Variants in RANBP2 observed in about 807,000 individuals in gnomAD.
The protein encoded by RANBP2 is E3 SUMO-protein ligase RanBP2.
Under a neutral mutation model 303.6 loss-of-function variants are expected in RANBP2, and 57 were observed. The observed-to-expected ratio is 0.19, with a 90% CI of 0.15 to 0.23. RANBP2 has a LOEUF of 0.23. RANBP2 is among the 10% of genes least tolerant of loss of function. The pLI is 1.00. For synonymous variants in RANBP2, 1,167 were observed against 1,301.5 expected, an observed-to-expected ratio of 0.90 and a Z score of 2.23; for missense variants, 3,138 against 3,780.8, an observed-to-expected ratio of 0.83 and a Z score of 4.46.
chr2:109,023,858 C>T, the RANBP2 span, among the ~76,000 whole-genome samples: 1 of 152,112 alleles, frequency 6.6e-6, no homozygotes, highest in Non-Finnish European at 1.5e-5. Flanking sequence ...TAATTTCTAC[C>T]TAACAGTCTC....
chr2:108,877,206 G>C, the RANBP2 span, among the ~76,000 whole-genome samples: 1 of 152,050 alleles, frequency 6.6e-6, no homozygotes, highest in Non-Finnish European at 1.5e-5. Flanking sequence ...GGTGGCTTAC[G>C]CCTGTAATCC....
At chr2:109,259,361 C>T in the RANBP2 span, among the ~76,000 whole-genome samples, 2 of 152,124 alleles carry the variant, frequency 1.3e-5, no homozygotes, top group African/African-American at 2.4e-5. Flanking sequence ...CATCCAGAGC[C>T]GGAGGCATCC....
At chr2:109,280,820 A>G in the RANBP2 span, among the ~76,000 whole-genome samples, 5 of 152,224 alleles carry the variant, frequency 3.3e-5, no homozygotes, top group Admixed American at 6.5e-5. Context: ...CACCTGCTGG[A>G]TAACAGTGGT....
the RANBP2 span, among the ~76,000 whole-genome samples, chr2:109,087,509 T>C: frequency 2.6e-5 from 4 of 152,040 alleles, no homozygotes; most frequent in African/African-American, 9.7e-5. Flanking sequence ...CCAAGGGGCT[T>C]TGGAGGGTCA....
chr2:108,930,459 C>G, the RANBP2 span, among the ~76,000 whole-genome samples: 1 of 152,082 alleles, frequency 6.6e-6, no homozygotes, highest in Non-Finnish European at 1.5e-5. Context: ...CCACTAGAAC[C>G]ACCCTGCCTC....
chr2:108,783,333 T>TA (rs71381992), intron 28 of RANBP2, among the ~76,000 whole-genome samples: 5,112 of 41,344 alleles, frequency 0.12, 704 homozygotes, highest in Non-Finnish European at 0.15. Context: ...AGCCTGTCAT[T>TA]AAAAAAAAAA....
At chr2:109,345,101 T>A in the RANBP2 span, among the ~76,000 whole-genome samples, 4 of 152,178 alleles carry the variant, frequency 2.6e-5, no homozygotes, top group African/African-American at 9.7e-5. Context: ...TGTCTCGCAG[T>A]GTCTCTGTCC....
chr2:109,419,421 A>G, the RANBP2 span: 3 of 1,105,960 alleles, frequency 2.7e-6, no homozygotes, highest in East Asian at 7.8e-5. Context: ...TTGGAGGCCA[A>G]ACAGCCAGGC....
the RANBP2 span, among the ~76,000 whole-genome samples, chr2:109,664,651 C>T: frequency 3.3e-5 from 5 of 151,706 alleles, no homozygotes; most frequent in Non-Finnish European, 5.9e-5. Flanking sequence ...CAATGTGGGC[C>T]GGGCACGGTG....
At chr2:109,496,286 CGCTGATTGGTGCATTTTACAGAGT>C in the RANBP2 span, among the ~76,000 whole-genome samples, 2 of 151,728 alleles carry the variant, frequency 1.3e-5, no homozygotes, top group African/African-American at 4.8e-5. Flanking sequence ...AGCTACAGAG[CGCTGATTGGTGCATTTTACAGAGT>C]GCTGATTGGT....
At chr2:109,099,853 G>A in the RANBP2 span, among the ~76,000 whole-genome samples, 6 of 151,592 alleles carry the variant, frequency 4.0e-5, no homozygotes, top group African/African-American at 1.2e-4. Context: ...TTAAGTACTG[G>A]GGGTTCTAAA....
the RANBP2 span, among the ~76,000 whole-genome samples, chr2:108,829,952 TG>T: frequency 6.6e-6 from 1 of 152,144 alleles, no homozygotes; most frequent in African/African-American, 2.4e-5. Context: ...AGCAGAGGCT[TG>T]AACAGATATT....
At chr2:109,375,368 G>A in the RANBP2 span, among the ~76,000 whole-genome samples, 1 of 152,234 alleles carries the variant, frequency 6.6e-6, no homozygotes, top group Non-Finnish European at 1.5e-5. Flanking sequence ...CCTGACACCT[G>A]TTCATCAGAT....
the RANBP2 span, among the ~76,000 whole-genome samples, chr2:109,258,176 G>A: frequency 1.3e-5 from 2 of 152,166 alleles, no homozygotes; most frequent in Non-Finnish European, 2.9e-5. Context: ...CGAGGCTTAC[G>A]AAAGAGTAAA....
the RANBP2 span, among the ~76,000 whole-genome samples, chr2:109,379,319 T>C: frequency 2.0e-5 from 3 of 152,220 alleles, no homozygotes; most frequent in African/African-American, 7.2e-5. Flanking sequence ...TCCAGGACTT[T>C]TCCTTAGATG....
the RANBP2 span, among the ~76,000 whole-genome samples, chr2:109,365,313 G>T: frequency 6.6e-6 from 1 of 152,162 alleles, no homozygotes; most frequent in East Asian, 1.9e-4. Flanking sequence ...TTACCTCTCA[G>T]GCTGTCCACA....
chr2:109,169,405 GA>G, the RANBP2 span, among the ~76,000 whole-genome samples: 1 of 152,102 alleles, frequency 6.6e-6, no homozygotes. Flanking sequence ...TGTGGCTGAT[GA>G]TGCTGTGCTG....
At chr2:108,843,284 A>T in the RANBP2 span, among the ~76,000 whole-genome samples, 16 of 151,946 alleles carry the variant, frequency 1.1e-4, no homozygotes, top group African/African-American at 3.9e-4. Context: ...CACCCTCCCA[A>T]GTAGCTGGGA....
the RANBP2 span, among the ~76,000 whole-genome samples, chr2:109,252,828 A>T: frequency 6.6e-6 from 1 of 152,182 alleles, no homozygotes; most frequent in East Asian, 1.9e-4. Flanking sequence ...ACTGTCTTGA[A>T]AGTGAAAAAC....
Sources: gnomAD v4.1 joint callset for allele counts (sites outside exome capture counted in the v4.1 genomes callset) on GRCh38, gnomAD v4.1.1 for gene constraint, MANE v1.5 for transcripts, NCBI Gene and HGNC (gene_info 2026-07-23, HGNC 2026-07-21) for gene names.